Variants in MAGI1 observed in about 807,000 individuals in gnomAD.
The protein encoded by MAGI1 is membrane associated guanylate kinase, WW and PDZ domain containing 1.
MAGI1 carries 58 observed loss-of-function variants against 139.9 expected under a neutral mutation model. The observed-to-expected ratio is 0.41, with a 90% CI of 0.34 to 0.52. The LOEUF is 0.52. Ranked by LOEUF, MAGI1 falls within the 20% of genes least tolerant of loss-of-function variation. The pLI is 0.12. For missense variants in MAGI1, 1,874 were observed against 1,901.6 expected (o/e 0.99, Z 0.27); for synonymous variants, 812 against 737.9 (o/e 1.10, Z -1.63).
chr3:65,408,713 T>C (rs190028529), intron 12 of MAGI1, among the ~76,000 whole-genome samples: 236 of 152,364 alleles, frequency 1.5e-3, no homozygotes, highest in Admixed American at 2.7e-3. Context: ...AAATTTAAAC[T>C]GTTCTCTCTG....
At chr3:66,019,624 T>C (rs62243810) in intron 1 of MAGI1, among the ~76,000 whole-genome samples, 15,142 of 152,216 alleles carry the variant, frequency 0.099, 936 homozygotes, top group Middle Eastern at 0.17. Flanking sequence ...GCAAAAATAA[T>C]AATAATAAGA....
intron 1 of MAGI1, among the ~76,000 whole-genome samples, chr3:65,775,494 C>T (rs1360904438): frequency 3.3e-5 from 4 of 119,450 alleles, no homozygotes; most frequent in African/African-American, 9.8e-5. Context: ...TCTTCTCACC[C>T]ACTCTGCCAA....
chr3:65,914,734 T>A (rs2061820115), intron 1 of MAGI1, among the ~76,000 whole-genome samples: 1 of 152,200 alleles, frequency 6.6e-6, no homozygotes, highest in Admixed American at 6.5e-5. Flanking sequence ...TCAACCCAAA[T>A]GTGCCAAACA....
At chr3:65,358,906 G>A (rs749308898) in intron 22 of MAGI1, among the ~76,000 whole-genome samples, 11 of 152,214 alleles carry the variant, frequency 7.2e-5, no homozygotes, top group South Asian at 2.1e-4. Context: ...TAAGACAAGG[G>A]AAGGCAACAC....
At chr3:65,561,656 T>C (rs142678590) in intron 2 of MAGI1, among the ~76,000 whole-genome samples, 1 of 152,374 alleles carries the variant, frequency 6.6e-6, no homozygotes, top group Non-Finnish European at 1.5e-5. Flanking sequence ...ACATCAACTC[T>C]CGTTTTATAC....
chr3:65,932,616 A>C (rs572522707), intron 1 of MAGI1, among the ~76,000 whole-genome samples: 3 of 152,298 alleles, frequency 2.0e-5, no homozygotes, highest in East Asian at 1.9e-4. Flanking sequence ...TCTACCTATG[A>C]AATTCTCTCT....
chr3:66,005,227 A>G (rs1468725174), intron 1 of MAGI1, among the ~76,000 whole-genome samples: 8 of 152,166 alleles, frequency 5.3e-5, no homozygotes, highest in Non-Finnish European at 1.2e-4. Context: ...AATGTGTTGC[A>G]AGGGAGACCA....
intron 1 of MAGI1, chr3:65,875,103 A>G (rs1002988062): frequency 1.3e-5 from 2 of 152,634 alleles, no homozygotes; most frequent in African/African-American, 4.8e-5. Context: ...ACATGCTACT[A>G]TGTAAATAAT....
chr3:65,438,278 A>C (rs1345600933), intron 9 of MAGI1, among the ~76,000 whole-genome samples: 1 of 152,234 alleles, frequency 6.6e-6, no homozygotes. Flanking sequence ...ACTCAGAAAC[A>C]GAAAGTGAAA....
intron 1 of MAGI1, among the ~76,000 whole-genome samples, chr3:65,710,040 G>C (rs1467483443): frequency 6.6e-6 from 1 of 152,162 alleles, no homozygotes; most frequent in Non-Finnish European, 1.5e-5. Context: ...CCAAGCTTTT[G>C]ACTTCTGAAA....
intron 1 of MAGI1, among the ~76,000 whole-genome samples, chr3:65,897,871 A>T (rs1003289149): frequency 1.4e-5 from 2 of 140,316 alleles, no homozygotes; most frequent in African/African-American, 5.3e-5. Flanking sequence ...CAAAAAAAAT[A>T]AAAAAAGAAA....
chr3:65,664,429 A>C (rs1041004033), intron 1 of MAGI1, among the ~76,000 whole-genome samples: 4 of 152,196 alleles, frequency 2.6e-5, no homozygotes, highest in Non-Finnish European at 5.9e-5. Flanking sequence ...TGCTCGTAAC[A>C]ACCCTACAAG....
chr3:65,411,020 A>AGT (rs1945753972), intron 12 of MAGI1, among the ~76,000 whole-genome samples: 1 of 152,180 alleles, frequency 6.6e-6, no homozygotes, highest in African/African-American at 2.4e-5. Context: ...TCTTCTCTCC[A>AGT]GAAAGGAAAG....
At chr3:66,027,891 T>A (rs114062251) in intron 1 of MAGI1, among the ~76,000 whole-genome samples, 2 of 152,156 alleles carry the variant, frequency 1.3e-5, no homozygotes, top group Non-Finnish European at 1.5e-5. Context: ...CTCTCCTTAA[T>A]TGTGACAACC....
intron 2 of MAGI1, among the ~76,000 whole-genome samples, chr3:65,584,431 C>T (rs2081579178): frequency 6.6e-6 from 1 of 152,196 alleles, no homozygotes; most frequent in Non-Finnish European, 1.5e-5. Flanking sequence ...CTGGCAGCAA[C>T]CTCAGTAGAC....
At chr3:65,475,302 C>T (rs1263896385) in intron 4 of MAGI1, among the ~76,000 whole-genome samples, 1 of 152,130 alleles carries the variant, frequency 6.6e-6, no homozygotes, top group Non-Finnish European at 1.5e-5. Context: ...CAACCTCTGC[C>T]TCCGGGGTTC....
chr3:65,761,657 T>C (rs1272061832), intron 1 of MAGI1, among the ~76,000 whole-genome samples: 1 of 152,174 alleles, frequency 6.6e-6, no homozygotes, highest in African/African-American at 2.4e-5. Flanking sequence ...CTTTATTCCA[T>C]CAGCCAGCGG....
At chr3:65,875,655 A>C (rs1047487363) in intron 1 of MAGI1, among the ~76,000 whole-genome samples, 2 of 152,172 alleles carry the variant, frequency 1.3e-5, no homozygotes, top group African/African-American at 4.8e-5. Flanking sequence ...GAAGGACTAC[A>C]ATAGGTCATA....
In MAGI1 at chr3:66,026,919, C is replaced by T. The variant is rs1438133813; in HGVS notation, c.313+11077G>A. Among the ~76,000 whole-genome samples, 7 of 151,924 alleles carry T rather than the reference C, an allele frequency of 4.6e-5. No homozygotes were observed. In the South Asian group the frequency reaches 1.5e-3, roughly 32 times the overall value. On this transcript the variant is annotated intron_variant, in intron 1 of 22. Coordinates refer to ENST00000402939, the MANE Select transcript of MAGI1 (RefSeq NM_001033057.2). ...TCTACATTGACATGAGGGCTCCAGG[C>T]TATGGGGTAGACACATTTCTTTCTT...
Sources: allele counts gnomAD v4.1 joint callset (sites outside exome capture counted in the v4.1 genomes callset), GRCh38; gene constraint gnomAD v4.1.1; transcripts MANE v1.5; gene names NCBI Gene and HGNC (gene_info 2026-07-23, HGNC 2026-07-21).